RSAD1: variants seen among roughly 807,000 people sequenced by gnomAD.
RSAD1 encodes the protein radical S-adenosyl methionine domain-containing protein 1, mitochondrial.
RSAD1 carries 34 observed loss-of-function variants against 46.2 expected under a neutral mutation model. The ratio of observed to expected loss-of-function variants is 0.74; its 90% CI spans 0.56 to 0.98. The LOEUF is 0.98. RSAD1 is among the 50% of genes least tolerant of loss of function. The pLI is 0.00. For missense variants in RSAD1, 635 were observed against 592.3 expected (o/e 1.07, Z -0.75); for synonymous variants, 260 against 253.5 (o/e 1.03, Z -0.24).
chr17:50,483,735 G>A lies in RSAD1; in HGVS notation c.1082G>A (p.Arg361His), dbSNP rs749242780. The change falls in exon 7 of 9, where the codon CGC becomes CAC. Residue 361 changes from arginine (R) to histidine (H), a missense_variant. Transcript: ENST00000258955. Reference protein sequence around the residue: ...LLEEVLALGLRTDVGITHQHW... With the variant: ...LLEEVLALGLHTDVGITHQHW... ...GAGGAAGTTTTGGCCCTGGGGCTAC[G>A]CACCGATGTGGGGATCACTCACCAG... is the stretch of plus-strand genomic sequence containing the variant. The A allele has an allele frequency of 1.1e-5, 17 of 1,612,456 alleles. No individual in the cohort carries two copies. Among genetic ancestry groups the A allele is most frequent in the Admixed American group, 1.7e-5 (1 of 59,484 alleles).
At position 50,479,753 on chromosome 17, in the gene RSAD1, G is replaced by T; in HGVS notation, c.260G>T (p.Gly87Val). ...TEAQTLLRLS[G>V]VQRVESVFFG... ...GCTCAGACGCTGCTGCGGCTCAGCG[G>T]GGTGCAACGGTGGGTAGTGGGGGCT... The change falls in exon 2 of 9, where the codon GGG becomes GTG. Residue 87 changes from glycine (G) to valine (V), a missense_variant. Gly to Val is a moderately radical substitution (Grantham distance 109). Coordinates refer to ENST00000258955, the MANE Select transcript of RSAD1 (RefSeq NM_018346.3). 6.2e-7 allele frequency: 1 copy of T among 1,609,262 alleles called. No individual in the cohort carries two copies. Among genetic ancestry groups the T allele is most frequent in the Non-Finnish European group, 8.5e-7 (1 of 1,177,402 alleles).
Position 50,483,771 on chromosome 17 carries a change from A to C in RSAD1, c.1107+11A>C, listed in dbSNP as rs201897895. Reference sequence around the variant, plus strand: ...GGGATCACTCACCAGGTAAGGAGTTAGGATTCTTGCACACCACTCCCTCCT... The same window carrying C: ...GGGATCACTCACCAGGTAAGGAGTTCGGATTCTTGCACACCACTCCCTCCT... On this transcript the variant is annotated intron_variant, in intron 7 of 8. Transcript: ENST00000258955. 6.2e-7 allele frequency: 1 copy of C among 1,602,708 alleles called. No homozygotes were observed. The highest frequency in any genetic ancestry group is 2.2e-5 in the East Asian group (1 of 44,648).
At chr17:50,483,152 A>G (rs2033402569) in intron 5 of RSAD1, among the ~76,000 whole-genome samples, 188 bp from the exon 6 acceptor site, 1 of 135,250 alleles carries the variant, frequency 7.4e-6, no homozygotes, top group African/African-American at 2.8e-5. Context: ...CAGCCTGGGC[A>G]GTATAGTGAG....
At position 50,479,974 on chromosome 17, in the gene RSAD1, C is replaced by T; in HGVS notation, c.364C>T (p.Leu122=). ...GGAGGCTGTGGCACAGGCAGCCCAC[C>T]TGCCTGCAGACTTGGAAGTCACATT... ...VLEAVAQAAH[L]PADLEVTLEA... The change falls in exon 3 of 9, where the codon CTG becomes TTG. Residue 122 remains leucine (L), a synonymous_variant. Transcript: ENST00000258955. The T allele has an allele frequency of 1.2e-6, 2 of 1,614,184 alleles. No individual in the cohort carries two copies. Among genetic ancestry groups the T allele is most frequent in the Non-Finnish European group, 1.7e-6 (2 of 1,180,030 alleles).
At chr17:50,481,474 GTTTAATTCACTTAAA>G (rs2033379266) in intron 3 of RSAD1, among the ~76,000 whole-genome samples, 1 of 152,234 alleles carries the variant, frequency 6.6e-6, no homozygotes, top group South Asian at 2.1e-4. Context: ...GGTAAGTTAA[GTTTAATTCACTTAAA>G]TTTAAATAAC....
intron 3 of RSAD1, among the ~76,000 whole-genome samples, chr17:50,481,797 A>G (rs768803291): frequency 9.2e-5 from 14 of 152,188 alleles, no homozygotes; most frequent in Non-Finnish European, 1.3e-4. Context: ...GAACTTTGCA[A>G]CTGTATGGCC....
At position 50,483,369 on chromosome 17, in the gene RSAD1, G is replaced by C. The variant is rs767832287; in HGVS notation, c.934G>C (p.Ala312Pro). 6.2e-7 allele frequency: 1 copy of C among 1,613,992 alleles called. No individual in the cohort carries two copies. ...GAHGRFMPQG[A>P]GGHTREARIQ... ...CCATGGACGATTTATGCCCCAGGGG[G>C]CTGGAGGCCACACCCGGGAGGCTCG... Residue 312 changes from alanine (A) to proline (P), a missense_variant, in exon 6 of 9, where the codon GCT (alanine) becomes CCT (proline). Coordinates refer to ENST00000258955, the MANE Select transcript of RSAD1 (RefSeq NM_018346.3).
At position 50,483,846 on chromosome 17, in the gene RSAD1, T is replaced by C. The variant is rs190405584; in HGVS notation, c.1107+86T>C. 22 of 1,228,234 alleles carry C rather than the reference T, an allele frequency of 1.8e-5. No individual in the cohort carries two copies. The Admixed American group carries it at 4.9e-4, about 27-fold the overall frequency. 76.1% of individuals were successfully genotyped at this position (1,228,234 alleles called of 1,614,324 possible). A position where few individuals can be genotyped will look rare whatever the true frequency, so the allele number is the denominator to read the frequency against. ...CTCCCTGCCACCCCCCCCACACACA[T>C]ATACCTCCAATTTCTGTGAGATTGG... On this transcript the variant is annotated intron_variant, in intron 7 of 8. Coordinates refer to ENST00000258955, the MANE Select transcript of RSAD1 (RefSeq NM_018346.3).
intron 1 of RSAD1, 80 bp from the exon 2 acceptor site, chr17:50,479,549 T>TGGGGTTG: frequency 7.0e-7 from 1 of 1,429,962 alleles, no homozygotes; most frequent in Non-Finnish European, 9.3e-7. Flanking sequence ...GGGGTGGGGG[T>TGGGGTTG]GGGGTTGGGG....
At position 50,484,789 on chromosome 17, in the gene RSAD1, C is replaced by G; in HGVS notation, c.1257C>G (p.Leu419=). The change falls in exon 9 of 9, where the codon CTC becomes CTG. Residue 419 remains leucine (L), a synonymous_variant. Coordinates refer to ENST00000258955, the MANE Select transcript of RSAD1 (RefSeq NM_018346.3). Reference sequence around the variant, plus strand: ...AGGGTCTGGCTGTGCTGGACTCTCTCTTGCTGACCCTCCTGCCTCAGCTCC... The same window carrying G: ...AGGGTCTGGCTGTGCTGGACTCTCTGTTGCTGACCCTCCTGCCTCAGCTCC... The part of the protein sequence containing the change: ...SWEGLAVLDS[L]LLTLLPQLQE... 4 of 1,614,122 alleles carry G rather than the reference C, an allele frequency of 2.5e-6. No individual in the cohort carries two copies. Among genetic ancestry groups the G allele is most frequent in the Non-Finnish European group, 3.4e-6 (4 of 1,179,994 alleles).
rs760648639 is a variant in RSAD1, at chr17:50,482,497, G to C, written c.840+41G>C. On this transcript the variant is annotated intron_variant, in intron 4 of 8. Coordinates refer to ENST00000258955, the MANE Select transcript of RSAD1 (RefSeq NM_018346.3). ...GATGGCTGGAGGTGGAGGATGGGCA[G>C]ACTGCAGTGTGACCAGGGCGTTGTG... The C allele has an allele frequency of 3.7e-6, 6 of 1,604,794 alleles. No homozygotes were observed. In the Admixed American group the frequency reaches 1.0e-4, roughly 27 times the overall value.
chr17:50,483,203 A>AAGAAAGAC, intron 5 of RSAD1, 137 bp from the exon 6 acceptor site: 1 of 940,622 alleles, frequency 1.1e-6, no homozygotes, highest in Non-Finnish European at 1.4e-6. Flanking sequence ...GAAAGAAAGA[A>AAGAAAGAC]AGAAAGAAAA....
chr17:50,484,492 G>A lies in RSAD1; in HGVS notation c.1158G>A (p.Ala386=), dbSNP rs557391945. 98 of 1,613,746 alleles carry A rather than the reference G, an allele frequency of 6.1e-5. 1 individual carries two copies. The Middle Eastern group carries it at 6.6e-4, about 11-fold the overall frequency. ...PQLTLWDVFG[A]NKEVQELLER... is the part of the protein sequence containing the mutation. ...TGACCCTGTGGGATGTGTTTGGAGC[G>A]AACAAGGAGGTGCAGGAGCTGCTGG... The change falls in exon 8 of 9, where the codon GCG becomes GCA. Residue 386 remains alanine, a synonymous_variant. Transcript: ENST00000258955.
At chr17:50,480,401 G>C (rs971709714) in intron 3 of RSAD1, 1 of 365,514 alleles carries the variant, frequency 2.7e-6, no homozygotes, top group African/African-American at 2.1e-5. Flanking sequence ...ATTGCAGCAT[G>C]GTAAATGTCA....
In RSAD1 at chr17:50,479,881, G is replaced by C. The variant is rs779342933; in HGVS notation, c.271G>C (p.Val91Leu). The change falls in exon 3 of 9, where the codon GTG becomes CTG. Residue 91 changes from valine (V) to leucine (L), a missense_variant and splice_region_variant. Transcript: ENST00000258955. ...CATTTCTCCATTCTCTTTCCCCAGG[G>C]TGGAGTCTGTGTTCTTTGGTGGGGG... ...TLLRLSGVQRVESVFFGGGTP... is the reference protein window; with the variant it reads ...TLLRLSGVQRLESVFFGGGTP... 2 of 1,611,712 alleles carry C rather than the reference G, an allele frequency of 1.2e-6. No homozygotes were observed. Among genetic ancestry groups the C allele is most frequent in the South Asian group, 2.2e-5 (2 of 90,970 alleles).
At chr17:50,479,460 T>A (rs1270951232) in intron 1 of RSAD1, 169 bp from the exon 2 acceptor site, 2 of 696,596 alleles carry the variant, frequency 2.9e-6, no homozygotes, top group Middle Eastern at 4.1e-4. Flanking sequence ...TTGAAGTGGA[T>A]GTAATAACCC....
chr17:50,479,380 G>A, intron 1 of RSAD1: 1 of 530,626 alleles, frequency 1.9e-6, no homozygotes, highest in Non-Finnish European at 3.3e-6. Context: ...AGCTTGGGTT[G>A]AATTCCTTCC....
chr17:50,482,267 C>A lies in RSAD1; in HGVS notation c.651C>A (p.His217Gln). 6.3e-7 allele frequency: 1 copy of A among 1,589,978 alleles called. No individual in the cohort carries two copies. Among genetic ancestry groups the A allele is most frequent in the Non-Finnish European group, 8.6e-7 (1 of 1,165,390 alleles). Reference sequence around the variant, plus strand: ...TTGGGCAGCTGCAGGAACTGCTGCACCACTGTGATGACCACCTCTCCCTCT... The same window carrying A: ...TTGGGCAGCTGCAGGAACTGCTGCAACACTGTGATGACCACCTCTCCCTCT... ...PWLGQLQELL[H>Q]HCDDHLSLYQ... The change falls in exon 4 of 9, where the codon CAC becomes CAA. Residue 217 changes from histidine to glutamine, a missense_variant. Transcript: ENST00000258955.
At position 50,484,570 on chromosome 17, in the gene RSAD1, G is replaced by C. The variant is rs750153652; in HGVS notation, c.1211+25G>C. On this transcript the variant is annotated intron_variant, in intron 8 of 8. Coordinates refer to ENST00000258955, the MANE Select transcript of RSAD1 (RefSeq NM_018346.3). The stretch of plus-strand genomic sequence containing the variant: ...GGTGTGTTGGGGGGTGCCGGGCAGA[G>C]GGGGCTGAGGCATACCAGGGAGCCC... The C allele has an allele frequency of 3.1e-6, 5 of 1,605,980 alleles. No individual in the cohort carries two copies. In the South Asian group the frequency reaches 5.5e-5, roughly 18 times the overall value.
Sources: allele counts gnomAD v4.1 joint callset (sites outside exome capture counted in the v4.1 genomes callset), GRCh38; gene constraint gnomAD v4.1.1; transcripts MANE v1.5; gene names NCBI Gene and HGNC (gene_info 2026-07-23, HGNC 2026-07-21).